TNRC6A: variants seen among roughly 807,000 people sequenced by gnomAD.
TNRC6A encodes trinucleotide repeat containing adaptor 6A, also known as trinucleotide repeat-containing gene 6A protein.
In TNRC6A, 44 loss-of-function variants were observed where a neutral mutation model predicts 221.2. The observed-to-expected ratio is 0.20, with a 90% CI of 0.16 to 0.26. TNRC6A has a LOEUF of 0.26. TNRC6A is among the 10% of genes least tolerant of loss of function. TNRC6A has a pLI of 1.00. For synonymous variants in TNRC6A, 847 were observed against 838.5 expected (o/e 1.01, Z -0.18); for missense variants, 2,199 against 2,404.4 (o/e 0.91, Z 1.79).
intron 18 of TNRC6A, among the ~76,000 whole-genome samples, chr16:24,809,906 G>A (rs1419021688): frequency 2.0e-5 from 3 of 152,124 alleles, no homozygotes; most frequent in South Asian, 2.1e-4. Flanking sequence ...CTCTGCTCCC[G>A]GGTTCAAGCA....
intron 2 of TNRC6A, among the ~76,000 whole-genome samples, chr16:24,669,682 A>G (rs1461046789): frequency 6.6e-6 from 1 of 151,992 alleles, no homozygotes; most frequent in Non-Finnish European, 1.5e-5. Context: ...TTCGTGGGAG[A>G]GGACTGAGTC....
At chr16:24,729,578 C>T (rs1567394809), upstream of TNRC6A, 1 of 390,832 alleles carries the variant, frequency 2.6e-6, no homozygotes, top group Non-Finnish European at 4.5e-6. Context: ...TCTGCGGGTC[C>T]AGTTGCTAGG....
At chr16:24,771,452 A>T (rs1050804446) in intron 4 of TNRC6A, among the ~76,000 whole-genome samples, 4 of 152,010 alleles carry the variant, frequency 2.6e-5, no homozygotes, top group Non-Finnish European at 4.4e-5. Flanking sequence ...GATTAATATT[A>T]CATGTTTCTT....
At chr16:24,651,396 C>A (rs1902641062) in intron 2 of TNRC6A, among the ~76,000 whole-genome samples, 1 of 151,554 alleles carries the variant, frequency 6.6e-6, no homozygotes, top group Admixed American at 6.6e-5. Flanking sequence ...AAATCAGCCA[C>A]ACATGGTGGC....
At chr16:24,705,630 C>G (rs1374512705) in intron 2 of TNRC6A, among the ~76,000 whole-genome samples, 1 of 152,194 alleles carries the variant, frequency 6.6e-6, no homozygotes, top group Non-Finnish European at 1.5e-5. Context: ...CCGCACCCAG[C>G]CTTAGGTGAA....
At chr16:24,741,681 G>T (rs1007497900) in intron 2 of TNRC6A, among the ~76,000 whole-genome samples, 12 of 152,114 alleles carry the variant, frequency 7.9e-5, no homozygotes, top group Non-Finnish European at 1.6e-4. Flanking sequence ...ATTCTGCATT[G>T]TACAATAATA....
At chr16:24,814,887 T>G (rs770670526) in intron 18 of TNRC6A, among the ~76,000 whole-genome samples, 2 of 152,200 alleles carry the variant, frequency 1.3e-5, no homozygotes, top group Non-Finnish European at 2.9e-5. Context: ...TTTTAATGAT[T>G]TGGAAATAAG....
At chr16:24,803,485 G>C (rs938837906) in intron 11 of TNRC6A, 2 of 152,108 alleles carry the variant, frequency 1.3e-5, no homozygotes, top group African/African-American at 4.8e-5. Context: ...TTATTAAATG[G>C]TGGTTTATCA....
At chr16:24,786,645 A>C (rs1160301272) in intron 5 of TNRC6A, among the ~76,000 whole-genome samples, 1 of 150,756 alleles carries the variant, frequency 6.6e-6, no homozygotes, top group Admixed American at 6.6e-5. Context: ...TCTGCACCAC[A>C]GTTGTGTGAG....
At chr16:24,692,125 A>C (rs2055767427) in intron 2 of TNRC6A, among the ~76,000 whole-genome samples, 1 of 152,144 alleles carries the variant, frequency 6.6e-6, no homozygotes, top group Non-Finnish European at 1.5e-5. Flanking sequence ...TTTCCATGCT[A>C]CAGGGTTTCT....
At chr16:24,707,329 G>A (rs2056114613) in intron 2 of TNRC6A, among the ~76,000 whole-genome samples, 1 of 140,684 alleles carries the variant, frequency 7.1e-6, no homozygotes, top group East Asian at 2.2e-4. Context: ...AAATAAAACA[G>A]GATGAAAGGG....
intron 2 of TNRC6A, among the ~76,000 whole-genome samples, chr16:24,696,271 C>T (rs2055857681): frequency 6.7e-6 from 1 of 150,042 alleles, no homozygotes; most frequent in South Asian, 2.1e-4. Flanking sequence ...TGGCATGGAC[C>T]CAGGAGGCGG....
upstream of TNRC6A, among the ~76,000 whole-genome samples, chr16:24,728,807 A>G (rs9923825): frequency 6.6e-3 from 1,002 of 152,312 alleles, 13 homozygotes; most frequent in African/African-American, 0.023. Flanking sequence ...ACATGTATGT[A>G]TCTTACTGTG....
rs770910979 is a variant in TNRC6A at position 24,806,634 on chromosome 16, C to A, written c.4390C>A (p.Leu1464Met). Residue 1464 changes from leucine (L) to methionine (M), a missense_variant, in exon 17 of 25, where the codon CTG becomes ATG. By Grantham distance (15) the Leu-to-Met change is conservative. Transcript: ENST00000395799. ...MQQSRQLDPN[L>M]LVKQQTPPSQ... ...ACAATCTCGTCAACTTGATCCAAAC[C>A]TGTTGGTGAAGCAGCAGACTCCACC... 2 of 1,614,184 alleles carry A rather than the reference C, an allele frequency of 1.2e-6. No homozygotes were observed. The highest frequency in any genetic ancestry group is 1.7e-6 in the Non-Finnish European group (2 of 1,180,040).
At chr16:24,817,179 C>T (rs534520191) in intron 20 of TNRC6A, among the ~76,000 whole-genome samples, 1 of 152,128 alleles carries the variant, frequency 6.6e-6, no homozygotes, top group Non-Finnish European at 1.5e-5. Flanking sequence ...TCTCTGTTCC[C>T]ATAGGTGGCT....
rs1420390217 is a variant in TNRC6A at position 24,793,465 on chromosome 16, T to C, written c.3176-8T>C. On this transcript the variant is annotated splice_region_variant and splice_polypyrimidine_tract_variant and intron_variant, in intron 6 of 24. Transcript: ENST00000395799. ...TGCTGATGACTTCTTTTCCCACACTTTCTAAAGGCTGGGGTGAGCCCTGGG... is the reference window on the plus strand; with the variant it reads ...TGCTGATGACTTCTTTTCCCACACTCTCTAAAGGCTGGGGTGAGCCCTGGG... The C allele has an allele frequency of 2.1e-6, 3 of 1,406,822 alleles. No homozygotes were observed. Among genetic ancestry groups the C allele is most frequent in the Non-Finnish European group, 2.8e-6 (3 of 1,069,420 alleles). 87.1% of individuals were successfully genotyped at this position (1,406,822 alleles called of 1,614,324 possible). A position where few individuals can be genotyped will look rare whatever the true frequency, so the allele number is the denominator to read the frequency against.
chr16:24,809,326 T>C, intron 17 of TNRC6A, 24 bp from the exon 18 acceptor site: 1 of 1,488,458 alleles, frequency 6.7e-7, no homozygotes, highest in South Asian at 1.5e-5. Context: ...TTCTAAGGTT[T>C]TGTTTTGTTT....
chr16:24,629,439 C>T (rs923256844), intron 1 of TNRC6A, among the ~76,000 whole-genome samples: 1 of 152,134 alleles, frequency 6.6e-6, no homozygotes, highest in African/African-American at 2.4e-5. Flanking sequence ...ATCAAATTCT[C>T]TTAAATATTT....
At chr16:24,656,141 C>CA (rs551183501) in intron 2 of TNRC6A, among the ~76,000 whole-genome samples, 37,575 of 112,380 alleles carry the variant, frequency 0.33, 5,429 homozygotes, top group Middle Eastern at 0.37. Flanking sequence ...GACCTTGTCT[C>CA]AAAAAAAAAA....
Sources: gnomAD v4.1 joint callset for allele counts (sites outside exome capture counted in the v4.1 genomes callset) on GRCh38, gnomAD v4.1.1 for gene constraint, MANE v1.5 for transcripts, NCBI Gene and HGNC (gene_info 2026-07-23, HGNC 2026-07-21) for gene names.